Variants in TRPV1 observed in about 807,000 individuals in gnomAD.
The protein encoded by TRPV1 is transient receptor potential cation channel subfamily V member 1, also known as OTRPC1.
Under a neutral mutation model 82.3 loss-of-function variants are expected in TRPV1, and 82 were observed. The ratio of observed to expected loss-of-function variants is 1.00; its 90% CI spans 0.83 to 1.20. TRPV1 has a LOEUF of 1.20. Among genes scored for constraint, TRPV1 ranks in the 50% most tolerant of loss-of-function variants. TRPV1 has a pLI of 0.00. For missense variants in TRPV1, 1,067 were observed against 1,096.8 expected, an observed-to-expected ratio of 0.97 and a Z score of 0.38; for synonymous variants, 515 against 467.7, an observed-to-expected ratio of 1.10 and a Z score of -1.30.
In TRPV1 at chr17:3,590,056, C is replaced by T. The variant is rs1029737932; in HGVS notation, c.795G>A (p.Val265=). 1.3e-6 allele frequency: 2 copies of T among 1,596,856 alleles called. No individual in the cohort carries two copies. Among genetic ancestry groups the T allele is most frequent in the East Asian group, 4.6e-5 (2 of 43,912 alleles). ...GCCAGGAGTTCTGCAGCAGGAACTT[C>T]ACGATGCCCAGCTGGTTGGTGCACG... ...LAACTNQLGI[V]KFLLQNSWQT... Residue 265 remains valine (V), a synonymous_variant, in exon 7 of 17, where the codon GTG becomes GTA. Transcript: ENST00000572705.
chr17:3,588,828 A>AAC, intron 7 of TRPV1: 1 of 1,369,854 alleles, frequency 7.3e-7, no homozygotes, highest in Admixed American at 2.5e-5. Context: ...AAAAAAAAAA[A>AAC]AACAAAACAC....
At chr17:3,591,833 T>C (rs1419075672) in intron 3 of TRPV1, among the ~76,000 whole-genome samples, 1 of 152,212 alleles carries the variant, frequency 6.6e-6, no homozygotes, top group Non-Finnish European at 1.5e-5. Flanking sequence ...CAAGTCCAAG[T>C]GTCTGTGGCT....
At chr17:3,594,021 G>A (rs1044601928) in intron 2 of TRPV1, among the ~76,000 whole-genome samples, 2 of 151,302 alleles carry the variant, frequency 1.3e-5, no homozygotes, top group South Asian at 2.1e-4. Flanking sequence ...CCAGCTACTC[G>A]GGAGGCTGAG....
rs752144771 is a variant in TRPV1 at position 3,592,331 on chromosome 17, G to A, written c.20C>T (p.Thr7Ile). 7 of 1,595,726 alleles carry A rather than the reference G, an allele frequency of 4.4e-6. No homozygotes were observed. In the East Asian group the frequency reaches 1.6e-4, roughly 36 times the overall value. ...TGGGTCCGCAGCTGCCCCCAAGTCT[G>A]TGCTGCTCCATTTCTTCATCCTTGC... MKKWSS[T>I]DLGAAADPLQ... Residue 7 changes from threonine to isoleucine, a missense_variant, in exon 3 of 17, where the codon ACA (threonine) becomes ATA (isoleucine). Physicochemically the swap from Thr to Ile is moderately conservative, Grantham distance 89. Transcript: ENST00000572705.
Position 3,598,814 on chromosome 17 carries a change from G to A in TRPV1, c.-33-6431C>T, listed in dbSNP as rs548372188. 3.3e-5 allele frequency among the ~76,000 whole-genome samples: 5 copies of A among 150,330 alleles called. No homozygotes were observed. The East Asian group carries it at 1.0e-3, about 30-fold the overall frequency. On this transcript the variant is annotated intron_variant, in intron 2 of 16. Transcript: ENST00000572705. Reference sequence around the variant, plus strand: ...ACTCCTGACCTCAAGTGATCCACCTGCCTCGGCCTCCCAAAGTGCTGGGAT... The same window carrying A: ...ACTCCTGACCTCAAGTGATCCACCTACCTCGGCCTCCCAAAGTGCTGGGAT...
At chr17:3,598,621 A>G (rs942208565) in intron 2 of TRPV1, among the ~76,000 whole-genome samples, 8 of 144,912 alleles carry the variant, frequency 5.5e-5, no homozygotes, top group Non-Finnish European at 1.2e-4. Context: ...GCTGGAATGC[A>G]ATGGCGCAAT....
chr17:3,590,044 C>T lies in TRPV1; in HGVS notation c.807G>A (p.Leu269=). Residue 269 remains leucine, a synonymous_variant, in exon 7 of 17, where the codon CTG becomes CTA. Transcript: ENST00000572705. ...TNQLGIVKFL[L]QNSWQTADIS... is the part of the protein sequence containing the mutation. ...TGTCGGCCGTCTGCCAGGAGTTCTG[C>T]AGCAGGAACTTCACGATGCCCAGCT... 1 of 1,588,654 alleles carries T rather than the reference C, an allele frequency of 6.3e-7. No homozygotes were observed. The highest frequency in any genetic ancestry group is 8.6e-7 in the Non-Finnish European group (1 of 1,168,108).
chr17:3,600,691 G>C (rs2075254908), intron 2 of TRPV1, among the ~76,000 whole-genome samples: 1 of 152,218 alleles, frequency 6.6e-6, no homozygotes, highest in Non-Finnish European at 1.5e-5. Context: ...AGCCCTTGGT[G>C]CTAACAGTAT....
chr17:3,582,489 C>T (rs2075033607), intron 10 of TRPV1, among the ~76,000 whole-genome samples: 2 of 152,046 alleles, frequency 1.3e-5, no homozygotes, highest in South Asian at 2.1e-4. Context: ...TAAGTTCTCA[C>T]TCTTCTTTAA....
At chr17:3,583,312 C>T in intron 10 of TRPV1, 26 bp downstream of exon 10, 1 of 1,577,502 alleles carries the variant, frequency 6.3e-7, no homozygotes, top group Non-Finnish European at 8.6e-7. Flanking sequence ...ATAATGGAAA[C>T]TCACAATGTG....
chr17:3,577,019 A>T (rs2074941422), intron 13 of TRPV1, 107 bp downstream of exon 13: 1 of 1,167,602 alleles, frequency 8.6e-7, no homozygotes, highest in African/African-American at 1.5e-5. Flanking sequence ...ACCTGCAGAC[A>T]TGCACCTGCC....
chr17:3,571,736 G>C (rs1375453412), intron 15 of TRPV1, 97 bp from the exon 16 acceptor site: 2 of 933,986 alleles, frequency 2.1e-6, no homozygotes, highest in African/African-American at 1.6e-5. Flanking sequence ...CCACCCATCA[G>C]GATGGAGATG....
intron 2 of TRPV1, among the ~76,000 whole-genome samples, chr17:3,605,284 G>A (rs2075289799): frequency 6.6e-6 from 1 of 152,114 alleles, no homozygotes; most frequent in African/African-American, 2.4e-5. Flanking sequence ...CGAGGTGGGT[G>A]GATCACTTGA....
intron 12 of TRPV1, 93 bp from the exon 13 acceptor site, chr17:3,577,285 A>T: frequency 7.3e-7 from 1 of 1,366,212 alleles, no homozygotes; most frequent in East Asian, 2.5e-5. Flanking sequence ...ATGCGTCTTG[A>T]GAACGTGCAG....
intron 13 of TRPV1, among the ~76,000 whole-genome samples, chr17:3,574,497 G>C (rs2074903450): frequency 6.6e-6 from 1 of 152,190 alleles, no homozygotes; most frequent in African/African-American, 2.4e-5. Flanking sequence ...CCAGGTGCCA[G>C]AGCCCACACC....
intron 2 of TRPV1, among the ~76,000 whole-genome samples, chr17:3,602,944 A>G (rs2075274425): frequency 6.6e-6 from 1 of 152,040 alleles, no homozygotes; most frequent in African/African-American, 2.4e-5. Flanking sequence ...CAACATGGAG[A>G]AACCCCGTCT....
At chr17:3,588,153 C>A in intron 8 of TRPV1, 35 bp downstream of exon 8, 1 of 1,541,574 alleles carries the variant, frequency 6.5e-7, no homozygotes, top group Non-Finnish European at 8.8e-7. Flanking sequence ...TGCAGAGGCC[C>A]TGAGGCCCTC....
chr17:3,607,514 T>C (rs1567678784), intron 2 of TRPV1, among the ~76,000 whole-genome samples: 1 of 149,534 alleles, frequency 6.7e-6, no homozygotes, highest in Non-Finnish European at 1.5e-5. Context: ...AGTAAGAGAT[T>C]AACAACAACA....
intron 2 of TRPV1, among the ~76,000 whole-genome samples, chr17:3,597,437 G>C (rs1035201615): frequency 1.3e-5 from 2 of 152,162 alleles, no homozygotes; most frequent in Non-Finnish European, 2.9e-5. Context: ...AGAGGGAATG[G>C]AGGGTCGTGC....
Sources: gnomAD v4.1 joint callset for allele counts (sites outside exome capture counted in the v4.1 genomes callset) on GRCh38, gnomAD v4.1.1 for gene constraint, MANE v1.5 for transcripts, NCBI Gene and HGNC (gene_info 2026-07-23, HGNC 2026-07-21) for gene names.